OARD1: variants seen among roughly 807,000 people sequenced by gnomAD.
OARD1 encodes the protein ADP-ribose glycohydrolase OARD1.
OARD1 carries 19 observed loss-of-function variants against 19.7 expected under a neutral mutation model. The ratio of observed to expected loss-of-function variants is 0.96; its 90% confidence interval spans 0.67 to 1.41. The LOEUF is 1.41. Ranked by LOEUF, OARD1 falls within the 40% of genes most tolerant of loss-of-function variation. The pLI is 0.00. For missense variants in OARD1, 190 were observed against 183.8 expected, an observed-to-expected ratio of 1.03 and a Z score of -0.20; for synonymous variants, 70 against 61.8, an observed-to-expected ratio of 1.13 and a Z score of -0.62.
chr6:41,087,461 AATT>A (rs1764078982), intron 1 of OARD1, among the ~76,000 whole-genome samples: 1 of 152,140 alleles, frequency 6.6e-6, no homozygotes, highest in Non-Finnish European at 1.5e-5. Flanking sequence ...CCCAAGTTGA[AATT>A]ATGGATGGAA....
intron 1 of OARD1, 54 bp from the exon 2 acceptor site, chr6:41,071,729 TTC>T (rs1317476498): frequency 3.0e-6 from 3 of 1,010,196 alleles, no homozygotes; most frequent in Non-Finnish European, 4.7e-6. Flanking sequence ...GTATATAATA[TTC>T]TGATTGCCCT....
rs74757915 is a variant in OARD1 at position 41,089,377 on chromosome 6, T to C, written c.-42+8336A>G. On this transcript the variant is annotated intron_variant, in intron 1 of 4. Coordinates refer to the OARD1 transcript ENST00000480585. The stretch of plus-strand genomic sequence containing the variant: ...CCGACATTGATTTGTTAATATCAGG[T>C]ATCCAGACAGTGTCGAAATTCCCTA... 2.6e-5 allele frequency among the ~76,000 whole-genome samples: 4 copies of C among 152,350 alleles called. No individual in the cohort carries two copies. In the East Asian group the frequency reaches 7.7e-4, roughly 29 times the overall value.
At chr6:41,072,463 G>C (rs981367496), upstream of OARD1, 1 of 152,252 alleles carries the variant, frequency 6.6e-6, no homozygotes, top group Admixed American at 6.5e-5. Context: ...TTAATTGCAC[G>C]CATCTAAGAT....
At chr6:41,093,069 T>C in intron 1 of OARD1, 3 of 1,613,982 alleles carry the variant, frequency 1.9e-6, no homozygotes, top group Non-Finnish European at 2.5e-6. Flanking sequence ...GAAGGGAAAA[T>C]TCCAAAGGAG....
intron 1 of OARD1, among the ~76,000 whole-genome samples, chr6:41,085,535 ATG>A (rs979263078): frequency 6.6e-6 from 1 of 152,214 alleles, no homozygotes; most frequent in Non-Finnish European, 1.5e-5. Flanking sequence ...AAAAGAGAGT[ATG>A]AGATAACTAT....
intron 1 of OARD1, chr6:41,092,992 C>G: frequency 1.2e-6 from 2 of 1,614,102 alleles, no homozygotes; most frequent in Non-Finnish European, 1.7e-6. Context: ...AAGAGCCTCT[C>G]TACGTGAATG....
chr6:41,078,730 C>G (rs996209383), intron 1 of OARD1, among the ~76,000 whole-genome samples: 1 of 152,142 alleles, frequency 6.6e-6, no homozygotes, highest in African/African-American at 2.4e-5. Context: ...GTTAGGTATG[C>G]CTTGTATCAA....
intron 1 of OARD1, among the ~76,000 whole-genome samples, chr6:41,082,911 T>C (rs1027704533): frequency 6.6e-6 from 1 of 152,204 alleles, no homozygotes; most frequent in Non-Finnish European, 1.5e-5. Context: ...GTGATTCTAA[T>C]ACATTAGTGG....
intron 1 of OARD1, chr6:41,078,972 CT>C (rs1763830664): frequency 1.3e-6 from 1 of 743,076 alleles, no homozygotes; most frequent in East Asian, 2.5e-5. Context: ...GGTTAATTGT[CT>C]GGTAAGGCCT....
At chr6:41,068,729 T>C in intron 5 of OARD1, 112 bp downstream of exon 5, 1 of 629,856 alleles carries the variant, frequency 1.6e-6, no homozygotes, top group South Asian at 2.9e-5. Flanking sequence ...TTGACTTTTG[T>C]CCACCTTTAA....
At chr6:41,094,900 C>G (rs1289464483) in intron 1 of OARD1, among the ~76,000 whole-genome samples, 1 of 152,198 alleles carries the variant, frequency 6.6e-6, no homozygotes, top group Non-Finnish European at 1.5e-5. Flanking sequence ...TCACACTTTT[C>G]TTAATTTTCA....
chr6:41,092,786 C>A (rs568552651), intron 1 of OARD1: 1 of 879,434 alleles, frequency 1.1e-6, no homozygotes, highest in African/African-American at 1.7e-5. Context: ...TCCGCATTTA[C>A]CCAAGTACCC....
At chr6:41,088,296 G>A (rs1322301849) in intron 1 of OARD1, among the ~76,000 whole-genome samples, 2 of 151,538 alleles carry the variant, frequency 1.3e-5, no homozygotes, top group Non-Finnish European at 1.5e-5. Context: ...GATGGCGGAC[G>A]CCTGTAGTCC....
intron 1 of OARD1, among the ~76,000 whole-genome samples, chr6:41,081,387 G>C (rs1763900421): frequency 6.6e-6 from 1 of 152,144 alleles, no homozygotes; most frequent in Non-Finnish European, 1.5e-5. Flanking sequence ...CTACTTGGGA[G>C]GCTGGAGCAG....
rs1031644996 is a variant in OARD1, at chr6:41,065,330, T to C, written c.*2005A>G. 7 of 152,258 alleles carry C rather than the reference T, an allele frequency of 4.6e-5. No individual in the cohort carries two copies. Among genetic ancestry groups the C allele is most frequent in the Non-Finnish European group, 4.4e-5 (3 of 68,052 alleles). The allele number at this position is 152,258 out of a possible 1,614,324, so 9.4% of individuals were successfully genotyped here. ...CAATTTACAATGGTTTGTCTTGCAA[T>C]TTTTGGACTTTACAACGGTGCAAAA... On this transcript the variant is annotated 3_prime_UTR_variant, in exon 6 of 6. Coordinates refer to ENST00000424266, the MANE Select transcript of OARD1 (RefSeq NM_001329686.2).
chr6:41,079,843 T>C (rs1228588318), intron 1 of OARD1, among the ~76,000 whole-genome samples: 1 of 152,224 alleles, frequency 6.6e-6, no homozygotes, highest in African/African-American at 2.4e-5. Context: ...ATACTTTGTT[T>C]TCAAAATGGA....
chr6:41,068,777 T>C lies in OARD1; in HGVS notation c.356+64A>G. 3 of 919,676 alleles carry C rather than the reference T, an allele frequency of 3.3e-6. No homozygotes were observed. In the South Asian group the frequency reaches 5.6e-5, roughly 17 times the overall value. The allele number at this position is 919,676 out of a possible 1,614,324, so 57.0% of individuals were successfully genotyped here. Reference sequence around the variant, plus strand: ...GGTTAAGCTTTTAAGTTGTTTGTCTTTGGGTAAGATAGTAAACCCCACCAA... The same window carrying C: ...GGTTAAGCTTTTAAGTTGTTTGTCTCTGGGTAAGATAGTAAACCCCACCAA... On this transcript the variant is annotated intron_variant, in intron 5 of 5. Transcript: ENST00000424266.
chr6:41,067,153 A>C lies in OARD1; in HGVS notation c.*182T>G. The C allele has an allele frequency of 2.5e-6, 1 of 396,596 alleles. No homozygotes were observed. Among genetic ancestry groups the C allele is most frequent in the East Asian group, 3.7e-5 (1 of 27,184 alleles). 24.6% of individuals were successfully genotyped at this position (396,596 alleles called of 1,614,324 possible). Reference sequence around the variant, plus strand: ...ACAAAAAAACACAACCACATATCTTAAGCAAGCCCTCCTCCACAGTCATAA... The same window carrying C: ...ACAAAAAAACACAACCACATATCTTCAGCAAGCCCTCCTCCACAGTCATAA... On this transcript the variant is annotated 3_prime_UTR_variant, in exon 6 of 6. Coordinates refer to ENST00000424266, the MANE Select transcript of OARD1 (RefSeq NM_001329686.2).
At chr6:41,091,595 A>G (rs1561855519) in intron 1 of OARD1, 1 of 1,614,206 alleles carries the variant, frequency 6.2e-7, no homozygotes, top group East Asian at 2.2e-5. Context: ...AGATTGTTCA[A>G]ACAGGAGCCA....
Sources: gnomAD v4.1 joint callset for allele counts (sites outside exome capture counted in the v4.1 genomes callset) on GRCh38, gnomAD v4.1.1 for gene constraint, MANE v1.5 for transcripts, NCBI Gene and HGNC (gene_info 2026-07-23, HGNC 2026-07-21) for gene names.